The following SET variants were observed in gnomAD, a reference collection of about 807,000 sequenced individuals.
The protein encoded by SET is SET nuclear proto-oncogene.
Under a neutral mutation model 39.0 loss-of-function variants are expected in SET, and 4 were observed. That is an observed-to-expected ratio of 0.10 (90% CI 0.05 to 0.23). The LOEUF (loss-of-function observed/expected upper bound fraction) is 0.23. Ranked by LOEUF, SET falls within the 10% of genes least tolerant of loss-of-function variation. The pLI is 1.00. For missense variants in SET, 137 were observed against 329.7 expected (o/e 0.42, Z 4.53); for synonymous variants, 114 against 115.9 (o/e 0.98, Z 0.11).
At position 128,689,599 on chromosome 9, in the gene SET, C is replaced by A. The variant is rs1437350212; in HGVS notation, c.17C>A (p.Ala6Asp). 2 of 1,382,116 alleles carry A rather than the reference C, an allele frequency of 1.4e-6. No homozygotes were observed. The highest frequency in any genetic ancestry group is 3.1e-5 in the East Asian group (1 of 31,804). The allele number at this position is 1,382,116 out of a possible 1,614,324, so 85.6% of individuals were successfully genotyped here. A position where few individuals can be genotyped will look rare whatever the true frequency, so the allele number is the denominator to read the frequency against. The change falls in exon 1 of 8, where the codon GCC becomes GAC. Residue 6 changes from alanine to aspartate, a missense_variant. Coordinates refer to ENST00000322030, the MANE Select transcript of SET (RefSeq NM_003011.4). MSAPA[A>D]KVSKKELNSN... ...AGCAGCACCATGTCGGCGCCGGCGG[C>A]CAAAGTCAGTAAAAAGGAGCTCAAC...
chr9:128,690,996 TTTTAA>T (rs1190161442), intron 1 of SET, 169 bp from the exon 2 acceptor site: 6 of 686,006 alleles, frequency 8.7e-6, no homozygotes. Context: ...GTAAATGGTC[TTTTAA>T]TTAATTAAAA....
chr9:128,692,137 A>G, intron 3 of SET, 137 bp downstream of exon 3: 1 of 1,059,574 alleles, frequency 9.4e-7, no homozygotes, highest in Non-Finnish European at 1.4e-6. Context: ...CTGTAATCCC[A>G]GCACTTTGGG....
At chr9:128,688,851 C>T (rs570299174), upstream of SET, among the ~76,000 whole-genome samples, 50 of 152,278 alleles carry the variant, frequency 3.3e-4, no homozygotes, top group African/African-American at 1.2e-3. Flanking sequence ...CATACGAGGC[C>T]GGGCCTGCAC....
chr9:128,685,255 A>T (rs751182439), upstream of SET: 1 of 1,504,492 alleles, frequency 6.6e-7, no homozygotes, highest in South Asian at 1.2e-5. Flanking sequence ...TCTCTTCTAT[A>T]AAATGGGATC....
upstream of SET, among the ~76,000 whole-genome samples, chr9:128,689,075 T>G (rs1480017260): frequency 1.3e-5 from 2 of 149,826 alleles, no homozygotes; most frequent in Non-Finnish European, 3.0e-5. Context: ...CGCGCCTTCC[T>G]CCCACCTCTC....
chr9:128,690,038 C>T, intron 1 of SET: 1 of 1,010,692 alleles, frequency 9.9e-7, no homozygotes, highest in Non-Finnish European at 1.2e-6. Flanking sequence ...TGCGGCCGGA[C>T]GCGGCCCCGC....
chr9:128,683,977 T>C, exon 1 of SET: 1 of 1,556,250 alleles, frequency 6.4e-7, no homozygotes. Context: ...GGAGGAGACA[T>C]CGGCCTCTGC....
At chr9:128,691,681 A>G (rs981550306) in intron 2 of SET, among the ~76,000 whole-genome samples, 177 bp from the exon 3 acceptor site, 2 of 152,230 alleles carry the variant, frequency 1.3e-5, no homozygotes, top group Non-Finnish European at 2.9e-5. Flanking sequence ...GTGTTTATTG[A>G]TAAATCAGAC....
upstream of SET, among the ~76,000 whole-genome samples, chr9:128,686,115 A>G (rs1861278379): frequency 6.6e-6 from 1 of 151,800 alleles, no homozygotes; most frequent in African/African-American, 2.4e-5. Flanking sequence ...AAGAAGAGAG[A>G]ATGCAGAGCT....
chr9:128,693,473 A>G (rs902918599), intron 5 of SET, among the ~76,000 whole-genome samples, 165 bp from the exon 6 acceptor site: 4 of 152,214 alleles, frequency 2.6e-5, no homozygotes, highest in African/African-American at 9.6e-5. Flanking sequence ...TACTACCTCT[A>G]CCTGCTGCAC....
chr9:128,685,310 G>A (rs576415594), upstream of SET: 156 of 1,017,332 alleles, frequency 1.5e-4, 2 homozygotes, highest in South Asian at 1.4e-3. Flanking sequence ...AAATCTAAGG[G>A]GAGCACTAGA....
At chr9:128,689,999 T>C in intron 1 of SET, 1 of 1,021,504 alleles carries the variant, frequency 9.8e-7, no homozygotes, top group Admixed American at 4.8e-5. Context: ...GATGCCTCGC[T>C]CCCATCAGCC....
chr9:128,691,732 A>T, intron 2 of SET, 126 bp from the exon 3 acceptor site: 1 of 899,540 alleles, frequency 1.1e-6, no homozygotes, highest in Non-Finnish European at 1.7e-6. Flanking sequence ...ATTAGGTGAT[A>T]ATGGTTATTA....
intron 3 of SET, chr9:128,692,446 C>CA (rs1431553383): frequency 1.9e-5 from 4 of 210,358 alleles, no homozygotes; most frequent in Non-Finnish European, 2.7e-5. Context: ...AAAAGATATA[C>CA]AGCTACTGCT....
At chr9:128,693,039 T>A in intron 5 of SET, 58 bp downstream of exon 5, 1 of 1,164,366 alleles carries the variant, frequency 8.6e-7, no homozygotes, top group Non-Finnish European at 1.3e-6. Context: ...AGTTTAGTTT[T>A]AACCACTTAC....
intron 1 of SET, chr9:128,690,043 CCCCGCGCCCGACCT>C (rs1346595948): frequency 1.0e-6 from 1 of 1,000,490 alleles, no homozygotes; most frequent in Non-Finnish European, 1.2e-6. Flanking sequence ...CCGGACGCGG[CCCCGCGCCCGACCT>C]CCCGCGCGGT....
intron 1 of SET, chr9:128,690,449 C>T (rs1429802338): frequency 6.6e-6 from 1 of 152,414 alleles, no homozygotes; most frequent in African/African-American, 2.4e-5. Flanking sequence ...GGTTTGTAGT[C>T]TTTACAGGAC....
intron 2 of SET, 117 bp downstream of exon 2, chr9:128,691,344 G>T (rs1023031673): frequency 1.4e-6 from 1 of 706,014 alleles, no homozygotes; most frequent in South Asian, 1.8e-5. Flanking sequence ...ATTCTAACTT[G>T]GTTGGAAATA....
At chr9:128,691,267 G>A (rs1861524835) in intron 2 of SET, 40 bp downstream of exon 2, 3 of 1,294,214 alleles carry the variant, frequency 2.3e-6, no homozygotes, top group Admixed American at 1.8e-5. Context: ...AATTTTCTGA[G>A]ATGTGTCTAA....
Sources: allele counts gnomAD v4.1 joint callset (sites outside exome capture counted in the v4.1 genomes callset), GRCh38; gene constraint gnomAD v4.1.1; transcripts MANE v1.5; gene names NCBI Gene and HGNC (gene_info 2026-07-23, HGNC 2026-07-21).